NEK11: variants seen among roughly 807,000 people sequenced by gnomAD.
NEK11 encodes serine/threonine-protein kinase Nek11.
A neutral mutation model predicts 80.7 loss-of-function variants in NEK11; 72 were observed. That is an observed-to-expected ratio of 0.89 (90% CI 0.74 to 1.08). The LOEUF (loss-of-function observed/expected upper bound fraction) is 1.08. Among genes scored for constraint, NEK11 ranks in the 50% least tolerant of loss-of-function variants. The probability of loss-of-function intolerance (pLI) is 0.00; values close to 1 mark genes in which losing one functional copy is unlikely to be tolerated. For missense variants in NEK11, 764 were observed against 763.6 expected, an observed-to-expected ratio of 1.00 and a Z score of -0.01; for synonymous variants, 251 against 260.7, an observed-to-expected ratio of 0.96 and a Z score of 0.36.
chr3:131,064,355 C>A (rs569520745), intron 3 of NEK11, among the ~76,000 whole-genome samples: 2 of 152,234 alleles, frequency 1.3e-5, no homozygotes, highest in Non-Finnish European at 2.9e-5. Flanking sequence ...TGAGGCTGCT[C>A]TCCTTGGCTT....
chr3:131,153,829 A>G (rs2090145653), intron 9 of NEK11, among the ~76,000 whole-genome samples: 1 of 152,216 alleles, frequency 6.6e-6, no homozygotes, highest in African/African-American at 2.4e-5. Flanking sequence ...TAAATAAAAT[A>G]AGTATATGCC....
chr3:131,327,466 C>G (rs1337055348), intron 17 of NEK11: 3 of 152,192 alleles, frequency 2.0e-5, no homozygotes, highest in Non-Finnish European at 4.4e-5. Flanking sequence ...CTTGCACAGC[C>G]CTTCCACATC....
chr3:131,338,987 T>C (rs1027318101), intron 17 of NEK11, among the ~76,000 whole-genome samples: 9 of 147,872 alleles, frequency 6.1e-5, no homozygotes, highest in Non-Finnish European at 1.3e-4. Context: ...GTTATATATA[T>C]TTTTTTATCA....
chr3:131,074,025 T>C (rs2073911961), intron 3 of NEK11, among the ~76,000 whole-genome samples: 2 of 152,184 alleles, frequency 1.3e-5, no homozygotes, highest in Admixed American at 1.3e-4. Context: ...TGTTCTACAC[T>C]AGCTCCCAGA....
chr3:131,135,250 C>T (rs142489134), intron 7 of NEK11, among the ~76,000 whole-genome samples: 3 of 152,226 alleles, frequency 2.0e-5, no homozygotes, highest in Admixed American at 2.0e-4. Flanking sequence ...CCTTTCAATT[C>T]AGTCTTGCAA....
intron 3 of NEK11, among the ~76,000 whole-genome samples, chr3:131,074,132 A>G (rs1335949352): frequency 6.6e-6 from 1 of 151,872 alleles, no homozygotes; most frequent in Non-Finnish European, 1.5e-5. Context: ...TCACTTCCCC[A>G]CTTTCCTATT....
At chr3:131,126,297 C>T (rs955682064) in intron 5 of NEK11, among the ~76,000 whole-genome samples, 3 of 152,156 alleles carry the variant, frequency 2.0e-5, no homozygotes, top group African/African-American at 7.2e-5. Context: ...TCTTCCACCC[C>T]ATGTCTTCCT....
Position 131,055,375 on chromosome 3 carries a change from G to A in NEK11, c.171-25048G>A, listed in dbSNP as rs192046779. ...TCTCAGGGAGGGGACAGTCTAGTTA[G>A]GCTTTGGAAGGAAATAGACAATAAA... On this transcript the variant is annotated intron_variant, in intron 3 of 17. Transcript: ENST00000383366. Among the ~76,000 whole-genome samples the A allele has an allele frequency of 5.3e-5, 8 of 152,202 alleles. No homozygotes were observed. The East Asian group carries it at 1.5e-3, about 29-fold the overall frequency.
intron 5 of NEK11, among the ~76,000 whole-genome samples, chr3:131,110,653 T>C (rs1269630991): frequency 6.6e-6 from 1 of 152,146 alleles, no homozygotes; most frequent in Non-Finnish European, 1.5e-5. Context: ...TTCTGAGGTG[T>C]CTGTGGTCGC....
intron 3 of NEK11, among the ~76,000 whole-genome samples, chr3:131,035,670 T>C (rs192508860): frequency 6.6e-6 from 1 of 150,450 alleles, no homozygotes; most frequent in East Asian, 1.9e-4. Context: ...ATCTGGTTCC[T>C]AGGATGAACA....
At position 131,349,788 on chromosome 3, in the gene NEK11, A is replaced by G. The variant is rs762045355; in HGVS notation, c.*12A>G. On this transcript the variant is annotated 3_prime_UTR_variant, in exon 18 of 18. Coordinates refer to ENST00000383366, the MANE Select transcript of NEK11 (RefSeq NM_024800.5). ...AGAACCATCTCTAGGCAACTATCAAAAAGAAGCAGAAGTTCAAGTGGACAA... is the reference window on the plus strand; with the variant it reads ...AGAACCATCTCTAGGCAACTATCAAGAAGAAGCAGAAGTTCAAGTGGACAA... 3 of 1,598,962 alleles carry G rather than the reference A, an allele frequency of 1.9e-6. No homozygotes were observed. Among genetic ancestry groups the G allele is most frequent in the African/African-American group, 1.3e-5 (1 of 74,366 alleles).
intron 4 of NEK11, 175 bp from the exon 5 acceptor site, chr3:131,109,628 A>G (rs1208907978): frequency 8.2e-6 from 5 of 607,246 alleles, no homozygotes; most frequent in East Asian, 3.1e-5. Flanking sequence ...CGAGCTGAGA[A>G]GAGTGCTCAA....
intron 7 of NEK11, among the ~76,000 whole-genome samples, chr3:131,143,951 C>T (rs528419746): frequency 6.6e-6 from 1 of 152,068 alleles, no homozygotes; most frequent in Admixed American, 6.6e-5. Context: ...TCAGGATGCT[C>T]TTCAATTACA....
chr3:131,101,298 C>T (rs1344466941), intron 4 of NEK11, among the ~76,000 whole-genome samples: 1 of 151,584 alleles, frequency 6.6e-6, no homozygotes, highest in Non-Finnish European at 1.5e-5. Flanking sequence ...GTTCTTTTTT[C>T]CTAGTTCCTT....
intron 5 of NEK11, among the ~76,000 whole-genome samples, chr3:131,127,481 T>A (rs1042128492): frequency 2.7e-5 from 4 of 150,750 alleles, no homozygotes; most frequent in South Asian, 2.1e-4. Context: ...CATATAAAAA[T>A]ATATATATAT....
At chr3:131,175,270 A>G in intron 14 of NEK11, 1 of 277,388 alleles carries the variant, frequency 3.6e-6, no homozygotes, top group Non-Finnish European at 5.5e-6. Context: ...TTATCTGAAA[A>G]TGCATCTACA....
At chr3:131,305,183 G>A (rs1379522806) in intron 17 of NEK11, among the ~76,000 whole-genome samples, 1 of 151,820 alleles carries the variant, frequency 6.6e-6, no homozygotes, top group East Asian at 1.9e-4. Flanking sequence ...GGGAAGGTCT[G>A]TCTACACATG....
chr3:131,093,561 C>T (rs753517815), intron 4 of NEK11, among the ~76,000 whole-genome samples: 5 of 152,070 alleles, frequency 3.3e-5, no homozygotes, highest in Non-Finnish European at 5.9e-5. Flanking sequence ...GGATTACAGG[C>T]GTGTGCCACC....
At chr3:131,195,787 T>C (rs2093980728) in intron 14 of NEK11, among the ~76,000 whole-genome samples, 1 of 84,730 alleles carries the variant, frequency 1.2e-5, no homozygotes, top group Non-Finnish European at 2.3e-5. Flanking sequence ...AGAATATATA[T>C]TTCAGAATAT....
Sources: gnomAD v4.1 joint callset for allele counts (sites outside exome capture counted in the v4.1 genomes callset) on GRCh38, gnomAD v4.1.1 for gene constraint, MANE v1.5 for transcripts, NCBI Gene and HGNC (gene_info 2026-07-23, HGNC 2026-07-21) for gene names.